Variants in FER1L6 observed in about 807,000 individuals in gnomAD.
FER1L6 encodes fer-1-like protein 6.
FER1L6 carries 177 observed loss-of-function variants against 219.2 expected under a neutral mutation model. The ratio of observed to expected loss-of-function variants is 0.81; its 90% CI spans 0.71 to 0.91. The LOEUF (loss-of-function observed/expected upper bound fraction) is 0.91. Ranked by LOEUF, FER1L6 falls within the 40% of genes least tolerant of loss-of-function variation. The probability of loss-of-function intolerance (pLI) is 0.00; values close to 1 mark genes in which losing one functional copy is unlikely to be tolerated. For synonymous variants in FER1L6, 768 were observed against 824.3 expected (o/e 0.93, Z 1.17); for missense variants, 2,153 against 2,259.9 (o/e 0.95, Z 0.96).
intron 20 of FER1L6, among the ~76,000 whole-genome samples, chr8:124,045,231 C>T (rs1272738153): frequency 1.3e-5 from 2 of 152,238 alleles, no homozygotes; most frequent in Admixed American, 1.3e-4. Flanking sequence ...TTAGCATCTA[C>T]ATGGCGAGAG....
intron 18 of FER1L6, among the ~76,000 whole-genome samples, chr8:124,029,313 T>C (rs1818856463): frequency 6.6e-6 from 1 of 152,238 alleles, no homozygotes; most frequent in Admixed American, 6.5e-5. Context: ...GATTGCTGGA[T>C]CAAATGGTAT....
chr8:123,910,012 G>A (rs1813024324), intron 1 of FER1L6, among the ~76,000 whole-genome samples: 1 of 152,160 alleles, frequency 6.6e-6, no homozygotes, highest in Non-Finnish European at 1.5e-5. Flanking sequence ...AGCATCTGGA[G>A]AGAAAAAATT....
At chr8:123,919,636 G>A (rs999049939) in intron 1 of FER1L6, among the ~76,000 whole-genome samples, 9 of 152,234 alleles carry the variant, frequency 5.9e-5, no homozygotes, top group African/African-American at 1.9e-4. Flanking sequence ...AAATGGAAAC[G>A]TAGAGCCCCT....
chr8:124,085,603 T>C (rs1821747743), intron 33 of FER1L6, among the ~76,000 whole-genome samples: 1 of 152,188 alleles, frequency 6.6e-6, no homozygotes, highest in African/African-American at 2.4e-5. Context: ...ATAATTTCAA[T>C]TTAAAAAAAA....
chr8:123,936,536 C>T (rs1440535426), intron 1 of FER1L6, among the ~76,000 whole-genome samples: 7 of 124,606 alleles, frequency 5.6e-5, no homozygotes, highest in Non-Finnish European at 1.1e-4. Context: ...TGTAACATTT[C>T]ATGTACTTGG....
chr8:123,893,437 T>C (rs1812685951), intron 1 of FER1L6, among the ~76,000 whole-genome samples: 1 of 152,248 alleles, frequency 6.6e-6, no homozygotes, highest in South Asian at 2.1e-4. Context: ...CTGATTCTTT[T>C]TCAGAGATTA....
chr8:124,034,189 G>GA (rs1819100799), intron 18 of FER1L6, among the ~76,000 whole-genome samples: 1 of 149,076 alleles, frequency 6.7e-6, no homozygotes, highest in African/African-American at 2.6e-5. Context: ...TTACTGACAG[G>GA]AAATTCTAAG....
chr8:123,992,626 C>T (rs1816913949), intron 12 of FER1L6, among the ~76,000 whole-genome samples: 2 of 151,976 alleles, frequency 1.3e-5, no homozygotes. Flanking sequence ...AGATAATGGT[C>T]TATTGATTTT....
intron 20 of FER1L6, among the ~76,000 whole-genome samples, chr8:124,044,880 C>T (rs1475261363): frequency 6.6e-6 from 1 of 152,146 alleles, no homozygotes; most frequent in Non-Finnish European, 1.5e-5. Context: ...CTTAAATGGC[C>T]TAGGAGGGGG....
chr8:124,068,684 T>C (rs1041597433), intron 28 of FER1L6, among the ~76,000 whole-genome samples: 2 of 152,150 alleles, frequency 1.3e-5, no homozygotes, highest in Admixed American at 1.3e-4. Context: ...TCTTTGCTAG[T>C]TGGGTGAATG....
chr8:124,016,353 C>G (rs1244352376), intron 15 of FER1L6, among the ~76,000 whole-genome samples: 3 of 152,154 alleles, frequency 2.0e-5, no homozygotes, highest in Admixed American at 6.5e-5. Context: ...TGGGTAGAGC[C>G]TGGTATGGGA....
intron 38 of FER1L6, among the ~76,000 whole-genome samples, chr8:124,101,909 AG>A (rs1822562366): frequency 6.6e-6 from 1 of 152,338 alleles, no homozygotes; most frequent in South Asian, 2.1e-4. Flanking sequence ...GATGTATGTT[AG>A]CGACAACTGG....
At chr8:123,995,550 G>T (rs759003802) in intron 12 of FER1L6, among the ~76,000 whole-genome samples, 1 of 151,604 alleles carries the variant, frequency 6.6e-6, no homozygotes, top group Non-Finnish European at 1.5e-5. Context: ...TTATTTATTT[G>T]GGTCTTCTCT....
chr8:123,917,003 G>T lies in FER1L6; in HGVS notation c.-7-38989G>T, dbSNP rs144206793. ...AGAAAACAGGATTTGGGGACATTTT[G>T]GATAAAAGAGAGCTGATTAGAAGAC... On this transcript the variant is annotated intron_variant, in intron 1 of 40. Transcript: ENST00000522917. Among the ~76,000 whole-genome samples the T allele has an allele frequency of 1.5e-4, 23 of 152,248 alleles. No homozygotes were observed. In the East Asian group the frequency reaches 3.5e-3, roughly 23 times the overall value.
At chr8:124,003,085 A>T (rs1022756987) in intron 12 of FER1L6, 82 bp from the exon 13 acceptor site, 7 of 1,171,866 alleles carry the variant, frequency 6.0e-6, no homozygotes, top group Non-Finnish European at 8.7e-6. Flanking sequence ...GTGGGAGAAC[A>T]TGAGTTTGGA....
chr8:123,977,360 T>A, intron 9 of FER1L6, 57 bp from the exon 10 acceptor site: 1 of 1,522,756 alleles, frequency 6.6e-7, no homozygotes, highest in Non-Finnish European at 8.9e-7. Context: ...GCTTGAAGAG[T>A]TTTCTGTAGT....
intron 1 of FER1L6, among the ~76,000 whole-genome samples, chr8:123,912,595 T>G (rs1049617341): frequency 3.3e-5 from 5 of 152,230 alleles, no homozygotes; most frequent in African/African-American, 1.2e-4. Flanking sequence ...TGCCTTAATT[T>G]TTCAACATGG....
At chr8:124,029,532 GT>G (rs1195485652) in intron 18 of FER1L6, among the ~76,000 whole-genome samples, 2 of 152,112 alleles carry the variant, frequency 1.3e-5, no homozygotes, top group Non-Finnish European at 2.9e-5. Context: ...GTGATGTTGA[GT>G]TTTTTCATGT....
intron 22 of FER1L6, among the ~76,000 whole-genome samples, chr8:124,059,574 A>C (rs1412976231): frequency 6.6e-6 from 1 of 152,196 alleles, no homozygotes; most frequent in African/African-American, 2.4e-5. Flanking sequence ...GTGAAATTTC[A>C]GCAAAGCTGA....
Sources: allele counts gnomAD v4.1 joint callset (sites outside exome capture counted in the v4.1 genomes callset), GRCh38; gene constraint gnomAD v4.1.1; transcripts MANE v1.5; gene names NCBI Gene and HGNC (gene_info 2026-07-23, HGNC 2026-07-21).